The following CDC7 variants were observed in gnomAD, a reference collection of about 807,000 sequenced individuals.
CDC7 encodes cell division cycle 7, also known as cell division cycle 7-related protein kinase.
CDC7 carries 34 observed loss-of-function variants against 53.5 expected under a neutral mutation model. The ratio of observed to expected loss-of-function variants is 0.64; its 90% CI spans 0.48 to 0.85. The LOEUF (loss-of-function observed/expected upper bound fraction) is 0.85, where lower values mean the gene tolerates loss of function less well. CDC7 is among the 40% of genes least tolerant of loss of function. CDC7 has a pLI of 0.00. For missense variants in CDC7, 594 were observed against 679.7 expected (o/e 0.87, Z 1.40); for synonymous variants, 211 against 222.8 (o/e 0.95, Z 0.47).
chr1:91,513,085 C>T lies in CDC7; in HGVS notation c.600C>T (p.Ala200=), dbSNP rs545603837. The change falls in exon 7 of 12, where the codon GCC becomes GCT. Residue 200 remains alanine, a synonymous_variant. Coordinates refer to ENST00000234626, the MANE Select transcript of CDC7 (RefSeq NM_003503.4). The stretch of plus-strand genomic sequence containing the variant: ...ATGCCTTGGTAGACTTTGGTTTGGC[C>T]CAAGGAACCCATGATACGAAAATAG... ...KKYALVDFGL[A]QGTHDTKIEL... 1 of 1,613,228 alleles carries T rather than the reference C, an allele frequency of 6.2e-7. No homozygotes were observed. Among genetic ancestry groups the T allele is most frequent in the East Asian group, 2.2e-5 (1 of 44,872 alleles).
intron 4 of CDC7, among the ~76,000 whole-genome samples, chr1:91,509,656 C>T (rs1347367316): frequency 6.6e-6 from 1 of 152,104 alleles, no homozygotes; most frequent in Non-Finnish European, 1.5e-5. Flanking sequence ...TACACAGCAG[C>T]CAGAATGATC....
chr1:91,523,444 C>T (rs1668084632), intron 11 of CDC7, among the ~76,000 whole-genome samples: 2 of 152,154 alleles, frequency 1.3e-5, no homozygotes, highest in African/African-American at 4.8e-5. Context: ...ATAAATAAGA[C>T]AGTTCCTGCC....
intron 8 of CDC7, among the ~76,000 whole-genome samples, chr1:91,514,501 T>G (rs974853812): frequency 2.6e-5 from 4 of 152,214 alleles, no homozygotes; most frequent in African/African-American, 9.7e-5. Context: ...ACTTGTGCAG[T>G]TTACAGTTCT....
At chr1:91,512,212 C>CTTATA (rs1667322115) in intron 6 of CDC7, among the ~76,000 whole-genome samples, 1 of 151,970 alleles carries the variant, frequency 6.6e-6, no homozygotes, top group African/African-American at 2.4e-5. Context: ...ACTTTGTATC[C>CTTATA]TCTGACTTAT....
chr1:91,503,750 C>T (rs1666828923), intron 2 of CDC7, among the ~76,000 whole-genome samples: 1 of 151,996 alleles, frequency 6.6e-6, no homozygotes, highest in African/African-American at 2.4e-5. Context: ...TGAAATATTG[C>T]CACTGTTGAC....
At chr1:91,509,284 G>C (rs1389654562) in intron 4 of CDC7, among the ~76,000 whole-genome samples, 1 of 150,428 alleles carries the variant, frequency 6.6e-6, no homozygotes, top group Non-Finnish European at 1.5e-5. Context: ...CTACAGGTTT[G>C]TGTATATCCA....
chr1:91,507,844 T>G lies in CDC7; in HGVS notation c.116-10T>G. 1.5e-6 allele frequency: 2 copies of G among 1,296,536 alleles called. No individual in the cohort carries two copies. The highest frequency in any genetic ancestry group is 2.2e-6 in the Non-Finnish European group (2 of 921,524). 80.3% of individuals were successfully genotyped at this position (1,296,536 alleles called of 1,614,324 possible). A position where few individuals can be genotyped will look rare whatever the true frequency, so the allele number is the denominator to read the frequency against. On this transcript the variant is annotated splice_polypyrimidine_tract_variant and intron_variant, in intron 2 of 11. Transcript: ENST00000234626. ...TTGATTAAAACTCTAAATTTTTGTTTCCTTGAAAGGTGTTAAAAAAGATAT... is the reference window on the plus strand; with the variant it reads ...TTGATTAAAACTCTAAATTTTTGTTGCCTTGAAAGGTGTTAAAAAAGATAT...
In CDC7 at chr1:91,501,805, A is replaced by G; in HGVS notation, c.89A>G (p.Lys30Arg). ...TTTCAGGCTGAAGGCTCTTTAAAAAAAAACGAGCAGAATTTTAAACTTGCA... is the reference window on the plus strand; with the variant it reads ...TTTCAGGCTGAAGGCTCTTTAAAAAGAAACGAGCAGAATTTTAAACTTGCA... ...DRFQAEGSLK[K>R]NEQNFKLAGV... The change falls in exon 2 of 12, where the codon AAA (lysine) becomes AGA (arginine). Residue 30 changes from lysine (K) to arginine (R), a missense_variant. Transcript: ENST00000234626. 1.2e-6 allele frequency: 2 copies of G among 1,614,144 alleles called. 1 individual carries two copies. The highest frequency in any genetic ancestry group is 2.2e-5 in the South Asian group (2 of 91,086).
Position 91,511,792 on chromosome 1 carries a change from T to C in CDC7, c.441T>C (p.Asn147=). ...LEHESFLDIL[N]SLSFQEVREY... Reference sequence around the variant, plus strand: ...TAACTTTGTTTTAGGACATTCTGAATTCTCTTTCCTTTCAAGAAGTACGGG... The same window carrying C: ...TAACTTTGTTTTAGGACATTCTGAACTCTCTTTCCTTTCAAGAAGTACGGG... Residue 147 remains asparagine, a synonymous_variant, in exon 6 of 12, where the codon AAT becomes AAC. Coordinates refer to ENST00000234626, the MANE Select transcript of CDC7 (RefSeq NM_003503.4). 1 of 1,604,220 alleles carries C rather than the reference T, an allele frequency of 6.2e-7. No individual in the cohort carries two copies. Among genetic ancestry groups the C allele is most frequent in the Admixed American group, 1.7e-5 (1 of 59,560 alleles).
intron 9 of CDC7, 70 bp downstream of exon 9, chr1:91,515,067 A>G: frequency 7.2e-7 from 1 of 1,396,034 alleles, no homozygotes. Context: ...ACTTGGGTGG[A>G]TAATTTTGTG....
intron 2 of CDC7, among the ~76,000 whole-genome samples, chr1:91,503,781 C>T (rs971393721): frequency 6.6e-6 from 1 of 152,066 alleles, no homozygotes; most frequent in Admixed American, 6.5e-5. Context: ...ATTCCTTTAG[C>T]CTTTCTAGGC....
At chr1:91,508,917 A>G (rs1667123933) in intron 4 of CDC7, among the ~76,000 whole-genome samples, 1 of 152,112 alleles carries the variant, frequency 6.6e-6, no homozygotes, top group Non-Finnish European at 1.5e-5. Flanking sequence ...AATTATCTGC[A>G]TACATTGTTT....
chr1:91,521,501 T>C (rs1349278558), intron 11 of CDC7, among the ~76,000 whole-genome samples: 6 of 152,196 alleles, frequency 3.9e-5, no homozygotes, highest in Admixed American at 2.0e-4. Flanking sequence ...CTTGTACTTA[T>C]TGTAAGAAAA....
chr1:91,518,756 G>T (rs951033143), intron 10 of CDC7, among the ~76,000 whole-genome samples: 1 of 152,050 alleles, frequency 6.6e-6, no homozygotes, highest in Non-Finnish European at 1.5e-5. Flanking sequence ...AGGGTGTGGG[G>T]GATGTGGGGA....
At position 91,514,895 on chromosome 1, in the gene CDC7, T is replaced by C; in HGVS notation, c.995T>C (p.Val332Ala). ...AAAAAGAAGGCTATTTCTACAAAAG[T>C]TATGAATAGTGCTGTGATGAGGAAA... ...ATKKKAISTK[V>A]MNSAVMRKTA... The change falls in exon 9 of 12, where the codon GTT becomes GCT. Residue 332 changes from valine (V) to alanine (A), a missense_variant. Physicochemically the swap from Val to Ala is moderately conservative, Grantham distance 64. Transcript: ENST00000234626. The C allele has an allele frequency of 6.2e-7, 1 of 1,613,574 alleles. No homozygotes were observed. The highest frequency in any genetic ancestry group is 8.5e-7 in the Non-Finnish European group (1 of 1,179,564).
chr1:91,511,776 T>C lies in CDC7; in HGVS notation c.430-5T>C, dbSNP rs951126126. On this transcript the variant is annotated splice_region_variant and splice_polypyrimidine_tract_variant and intron_variant, in intron 5 of 11. Transcript: ENST00000234626. ...TAACTCATTTCATTTGTAACTTTGTTTTAGGACATTCTGAATTCTCTTTCC... is the reference window on the plus strand; with the variant it reads ...TAACTCATTTCATTTGTAACTTTGTCTTAGGACATTCTGAATTCTCTTTCC... 6.2e-7 allele frequency: 1 copy of C among 1,603,408 alleles called. No individual in the cohort carries two copies. Among genetic ancestry groups the C allele is most frequent in the African/African-American group, 1.3e-5 (1 of 74,838 alleles).
In CDC7 at chr1:91,515,789, A is replaced by T. The variant is rs778790531; in HGVS notation, c.1098-5A>T. The T allele has an allele frequency of 8.1e-6, 13 of 1,613,314 alleles. No individual in the cohort carries two copies. Among genetic ancestry groups the T allele is most frequent in the Non-Finnish European group, 1.0e-5 (12 of 1,179,686 alleles). ...ATAACTAGAGAAATCTTATTTCATC[A>T]TAAGGCGTCAGCAGGTTGCCCCTAG... On this transcript the variant is annotated splice_region_variant and splice_polypyrimidine_tract_variant and intron_variant, in intron 9 of 11. Transcript: ENST00000234626.
Position 91,524,716 on chromosome 1 carries a change from C to T in CDC7, c.*281C>T. 1 of 297,726 alleles carries T rather than the reference C, an allele frequency of 3.4e-6. No individual in the cohort carries two copies. Among genetic ancestry groups the T allele is most frequent in the Non-Finnish European group, 6.1e-6 (1 of 163,032 alleles). The allele number at this position is 297,726 out of a possible 1,614,324, so 18.4% of individuals were successfully genotyped here. The stretch of plus-strand genomic sequence containing the variant: ...TTTTAGCTTCCCTAATTACCTTTCA[C>T]TGACATATACAGAAAAAGGAGCAGT... On this transcript the variant is annotated 3_prime_UTR_variant, in exon 12 of 12. Coordinates refer to ENST00000234626, the MANE Select transcript of CDC7 (RefSeq NM_003503.4).
intron 4 of CDC7, among the ~76,000 whole-genome samples, chr1:91,509,800 C>G (rs1667181361): frequency 6.6e-6 from 1 of 152,182 alleles, no homozygotes; most frequent in Non-Finnish European, 1.5e-5. Context: ...CCACCTCCCT[C>G]ACTGTGCTCC....
Sources: gnomAD v4.1 joint callset for allele counts (sites outside exome capture counted in the v4.1 genomes callset) on GRCh38, gnomAD v4.1.1 for gene constraint, MANE v1.5 for transcripts, NCBI Gene and HGNC (gene_info 2026-07-23, HGNC 2026-07-21) for gene names.